Variants in AGBL4 observed in about 807,000 individuals in gnomAD.
AGBL4 encodes the protein cytosolic carboxypeptidase 6.
In AGBL4, 58 loss-of-function variants were observed where a neutral mutation model predicts 66.4. That is an observed-to-expected ratio of 0.87 (90% confidence interval 0.71 to 1.09). The LOEUF is 1.09. AGBL4 is among the 50% of genes least tolerant of loss of function. AGBL4 has a pLI of 0.00. For missense variants in AGBL4, 579 were observed against 631.0 expected (o/e 0.92, Z 0.88); for synonymous variants, 234 against 222.9 (o/e 1.05, Z -0.44).
chr1:49,848,116 A>G (rs1322034021), intron 2 of AGBL4, among the ~76,000 whole-genome samples: 1 of 152,264 alleles, frequency 6.6e-6, no homozygotes, highest in Non-Finnish European at 1.5e-5. Flanking sequence ...AAAAAATAAT[A>G]GATGTTGTTG....
chr1:48,834,473 G>C (rs1646630756), intron 6 of AGBL4, among the ~76,000 whole-genome samples: 1 of 152,134 alleles, frequency 6.6e-6, no homozygotes, highest in Admixed American at 6.5e-5. Flanking sequence ...AGTATGTGGA[G>C]GTAAGGCCTT....
chr1:49,218,070 A>C (rs1490611146), intron 4 of AGBL4, among the ~76,000 whole-genome samples: 1 of 152,084 alleles, frequency 6.6e-6, no homozygotes, highest in Non-Finnish European at 1.5e-5. Flanking sequence ...TCTGCTCTTG[A>C]GACTATACTA....
chr1:48,603,068 G>A (rs1251011910), intron 9 of AGBL4, among the ~76,000 whole-genome samples: 2 of 152,230 alleles, frequency 1.3e-5, no homozygotes, highest in Non-Finnish European at 2.9e-5. Context: ...ATGAGAAGGT[G>A]TTCACCAAGG....
rs572175247 is a variant in AGBL4 at position 48,535,065 on chromosome 1, G to A, written c.1365-149C>T. The A allele has an allele frequency of 3.0e-5, 24 of 787,278 alleles. No homozygotes were observed. The South Asian group carries it at 4.3e-4, about 14-fold the overall frequency. 48.8% of individuals were successfully genotyped at this position (787,278 alleles called of 1,614,324 possible). A position where few individuals can be genotyped will look rare whatever the true frequency, so the allele number is the denominator to read the frequency against. ...GTAAGTATGTTTTTATGGGGAAAAA[G>A]AAGAGGGAAGCCCAGATTTGGTCAT... On this transcript the variant is annotated intron_variant, in intron 12 of 13. Coordinates refer to ENST00000371839, the MANE Select transcript of AGBL4 (RefSeq NM_032785.4).
At chr1:49,457,429 T>A (rs948813470) in intron 3 of AGBL4, among the ~76,000 whole-genome samples, 9 of 151,856 alleles carry the variant, frequency 5.9e-5, no homozygotes, top group Non-Finnish European at 1.3e-4. Flanking sequence ...CTTGCTGATT[T>A]GTTTGAATTC....
At chr1:49,841,794 T>G in intron 2 of AGBL4, 1 of 335,628 alleles carries the variant, frequency 3.0e-6, no homozygotes, top group East Asian at 7.1e-5. Context: ...AGTCTGACAA[T>G]GTGATAAAAA....
intron 5 of AGBL4, among the ~76,000 whole-genome samples, chr1:48,968,916 T>C (rs1470826723): frequency 6.6e-6 from 1 of 152,092 alleles, no homozygotes; most frequent in Non-Finnish European, 1.5e-5. Flanking sequence ...ATGTAGAAAA[T>C]ACCAAGCAAA....
At chr1:49,579,489 T>C (rs181262996) in intron 3 of AGBL4, among the ~76,000 whole-genome samples, 1 of 152,276 alleles carries the variant, frequency 6.6e-6, no homozygotes, top group East Asian at 1.9e-4. Context: ...ATATATACTC[T>C]GCAACTGGGT....
chr1:48,894,999 A>G (rs1651362061), intron 5 of AGBL4, among the ~76,000 whole-genome samples: 1 of 152,174 alleles, frequency 6.6e-6, no homozygotes, highest in South Asian at 2.1e-4. Flanking sequence ...GTGTTTCACT[A>G]GTTAAAAGGG....
intron 2 of AGBL4, chr1:49,845,914 C>T: frequency 6.9e-7 from 1 of 1,454,188 alleles, no homozygotes; most frequent in Non-Finnish European, 9.6e-7. Flanking sequence ...GGCAGAAGCC[C>T]TACAAATGCA....
At chr1:49,446,674 C>T (rs573320954) in intron 3 of AGBL4, among the ~76,000 whole-genome samples, 4 of 152,212 alleles carry the variant, frequency 2.6e-5, no homozygotes, top group South Asian at 2.1e-4. Flanking sequence ...TTGGGCCTCC[C>T]GAGTGATTCA....
intron 5 of AGBL4, among the ~76,000 whole-genome samples, chr1:49,024,451 T>C (rs1416408609): frequency 2.6e-5 from 4 of 152,184 alleles, no homozygotes; most frequent in Non-Finnish European, 5.9e-5. Flanking sequence ...TCATGTTCCT[T>C]TCTCATTCCT....
chr1:49,519,164 A>G (rs1411134126), intron 3 of AGBL4, among the ~76,000 whole-genome samples: 1 of 152,116 alleles, frequency 6.6e-6, no homozygotes, highest in Non-Finnish European at 1.5e-5. Context: ...AGAATTTGTC[A>G]TCAGAATACC....
intron 3 of AGBL4, among the ~76,000 whole-genome samples, chr1:49,546,261 A>G (rs1014944907): frequency 4.0e-5 from 6 of 151,706 alleles, no homozygotes; most frequent in African/African-American, 1.5e-4. Context: ...ATGTGTGTGT[A>G]TATATATGTG....
chr1:49,672,921 CA>C (rs60612868), intron 3 of AGBL4, among the ~76,000 whole-genome samples: 6,604 of 47,146 alleles, frequency 0.14, 337 homozygotes, highest in African/African-American at 0.35. Context: ...AACTCCATCT[CA>C]AAAAAAAAAA....
chr1:49,570,910 A>G, intron 3 of AGBL4, among the ~76,000 whole-genome samples: 1 of 151,930 alleles, frequency 6.6e-6, no homozygotes, highest in Non-Finnish European at 1.5e-5. Flanking sequence ...AAGTGGCTTT[A>G]TTTCTGGGTT....
intron 2 of AGBL4, among the ~76,000 whole-genome samples, chr1:49,747,129 C>A (rs997267793): frequency 6.6e-6 from 1 of 152,158 alleles, no homozygotes; most frequent in Non-Finnish European, 1.5e-5. Context: ...CAGAATTATT[C>A]AAGGCCTTGA....
chr1:49,105,224 G>A (rs1645271227), intron 4 of AGBL4, among the ~76,000 whole-genome samples: 1 of 152,108 alleles, frequency 6.6e-6, no homozygotes, highest in African/African-American at 2.4e-5. Flanking sequence ...GGATAGAGAG[G>A]GCGCAGTGAA....
chr1:48,975,553 A>G (rs932191929), intron 5 of AGBL4, among the ~76,000 whole-genome samples: 1 of 152,160 alleles, frequency 6.6e-6, no homozygotes, highest in Non-Finnish European at 1.5e-5. Context: ...AAGATGAAAC[A>G]TCTGACTCTG....
Sources: allele counts gnomAD v4.1 joint callset (sites outside exome capture counted in the v4.1 genomes callset), GRCh38; gene constraint gnomAD v4.1.1; transcripts MANE v1.5; gene names NCBI Gene and HGNC (gene_info 2026-07-23, HGNC 2026-07-21).